Variants in PTPRC observed in about 807,000 individuals in gnomAD.
PTPRC encodes the protein receptor-type tyrosine-protein phosphatase C.
PTPRC carries 44 observed loss-of-function variants against 155.9 expected under a neutral mutation model. The observed-to-expected ratio is 0.28, with a 90% CI of 0.22 to 0.36. PTPRC has a LOEUF of 0.36. PTPRC is among the 10% of genes least tolerant of loss of function. The pLI is 1.00. For synonymous variants in PTPRC, 525 were observed against 533.1 expected (o/e 0.98, Z 0.21); for missense variants, 1,401 against 1,564.6 (o/e 0.90, Z 1.76).
At chr1:198,706,162 C>T (rs957706045) in intron 8 of PTPRC, among the ~76,000 whole-genome samples, 1 of 152,092 alleles carries the variant, frequency 6.6e-6, no homozygotes, top group African/African-American at 2.4e-5. Context: ...ATATTTTTAT[C>T]AGTCAGCAGA....
chr1:198,674,465 C>A (rs1664827274), intron 2 of PTPRC, among the ~76,000 whole-genome samples: 1 of 150,090 alleles, frequency 6.7e-6, no homozygotes, highest in African/African-American at 2.4e-5. Flanking sequence ...GTAATGGTAG[C>A]CTTCACTATC....
chr1:198,741,521 T>C (rs1041723777), intron 23 of PTPRC, among the ~76,000 whole-genome samples: 4 of 151,844 alleles, frequency 2.6e-5, no homozygotes, highest in Admixed American at 6.6e-5. Flanking sequence ...CCCACTTTTA[T>C]GGTGTATGTT....
intron 23 of PTPRC, among the ~76,000 whole-genome samples, chr1:198,741,353 A>G (rs537102930): frequency 7.2e-5 from 11 of 151,988 alleles, no homozygotes; most frequent in African/African-American, 2.6e-4. Flanking sequence ...GTGAAGGCCT[A>G]AGGAATACAA....
At position 198,752,441 on chromosome 1, in the gene PTPRC, C is replaced by G. The variant is rs1412296476; in HGVS notation, c.3330+70C>G. On this transcript the variant is annotated intron_variant, in intron 30 of 32. Transcript: ENST00000442510. ...CTGGTAGCAAAATGAATATAAATTA[C>G]TCTATGCAGGCAAGGCCATCATATA... 4.4e-6 allele frequency: 7 copies of G among 1,579,316 alleles called. No homozygotes were observed. The Admixed American group carries it at 1.2e-4, about 26-fold the overall frequency.
rs1653188181 is a variant in PTPRC, at chr1:198,709,713, A to G, written c.1060A>G (p.Ile354Val). The change falls in exon 11 of 33, where the codon ATT becomes GTT. Residue 354 changes from isoleucine (I) to valine (V), a missense_variant. Physicochemically the swap from Ile to Val is conservative, Grantham distance 29 (BLOSUM62 3). Around this residue, in one of 3 missense-constraint regions of PTPRC, gnomAD observed 867 missense variants for 970.4 expected, o/e 0.89. Coordinates refer to ENST00000442510, the MANE Select transcript of PTPRC (RefSeq NM_002838.5). ...CGNMIFDNKE[I>V]KLENLEPEHE... Reference sequence around the variant, plus strand: ...TAATATGATATTTGATAATAAAGAAATTAAATTAGAAAACCTTGAACCCGA... The same window carrying G: ...TAATATGATATTTGATAATAAAGAAGTTAAATTAGAAAACCTTGAACCCGA... The G allele has an allele frequency of 2.5e-6, 4 of 1,594,132 alleles. No homozygotes were observed. Among genetic ancestry groups the G allele is most frequent in the Middle Eastern group, 1.7e-4 (1 of 5,892 alleles).
chr1:198,690,027 T>A (rs1408189018), intron 2 of PTPRC, among the ~76,000 whole-genome samples: 1 of 152,134 alleles, frequency 6.6e-6, no homozygotes, highest in East Asian at 1.9e-4. Context: ...TAAATTAACT[T>A]GTTTCAAGTT....
At chr1:198,663,102 C>G (rs927514948) in intron 2 of PTPRC, among the ~76,000 whole-genome samples, 4 of 152,132 alleles carry the variant, frequency 2.6e-5, no homozygotes, top group African/African-American at 9.7e-5. Flanking sequence ...TCTATGATTA[C>G]CCACTGATGA....
In PTPRC at chr1:198,756,068, A is replaced by G. The variant is rs148487071; in HGVS notation, c.3808A>G (p.Lys1270Glu). Residue 1270 changes from lysine (K) to glutamate (E), a missense_variant, in exon 33 of 33, where the codon AAG (lysine) becomes GAG (glutamate). By Grantham distance (56) the Lys-to-Glu change is moderately conservative. Around this residue, in one of 3 missense-constraint regions of PTPRC, gnomAD observed 400 missense variants for 389.5 expected, o/e 1.03. Coordinates refer to ENST00000442510, the MANE Select transcript of PTPRC (RefSeq NM_002838.5). ...NCVNPLGAPE[K>E]LPEAKEQAEG... is the part of the protein sequence containing the mutation. ...TGTTAATCCACTTGGTGCCCCAGAAAAGCTCCCTGAAGCAAAGGAACAGGC... is the reference window on the plus strand; with the variant it reads ...TGTTAATCCACTTGGTGCCCCAGAAGAGCTCCCTGAAGCAAAGGAACAGGC... The G allele has an allele frequency of 2.5e-6, 4 of 1,613,352 alleles. No homozygotes were observed. The African/African-American group carries it at 4.0e-5, about 16-fold the overall frequency.
chr1:198,731,875 C>T (rs1654403427), intron 18 of PTPRC, 149 bp downstream of exon 18: 1 of 706,632 alleles, frequency 1.4e-6, no homozygotes, highest in Non-Finnish European at 2.5e-6. Flanking sequence ...TCTCTATGAA[C>T]CAGAAGAGAG....
intron 2 of PTPRC, among the ~76,000 whole-genome samples, chr1:198,651,988 C>G (rs759015641): frequency 1.3e-5 from 2 of 151,596 alleles, no homozygotes; most frequent in Non-Finnish European, 2.9e-5. Context: ...AATCCTTGGT[C>G]ACTAGTCTTA....
chr1:198,737,623 C>T (rs1654709890), intron 23 of PTPRC, among the ~76,000 whole-genome samples: 2 of 151,646 alleles, frequency 1.3e-5, no homozygotes, highest in African/African-American at 4.8e-5. Context: ...TCTTTTCACT[C>T]AGGATGGCTT....
chr1:198,735,401 A>T, intron 23 of PTPRC, 149 bp downstream of exon 23: 2 of 753,858 alleles, frequency 2.7e-6, no homozygotes, highest in Non-Finnish European at 4.1e-6. Context: ...CAATGACAAA[A>T]ATCAATAGGG....
rs552861890 is a variant in PTPRC at position 198,755,858 on chromosome 1, A to G, written c.3646-48A>G. 90 of 1,539,634 alleles carry G rather than the reference A, an allele frequency of 5.8e-5. 1 individual carries two copies. In the South Asian group the frequency reaches 9.3e-4, roughly 16 times the overall value. On this transcript the variant is annotated intron_variant, in intron 32 of 32. Transcript: ENST00000442510. ...CTAATCTTCATCTGGCATAAAAATAATGACATCAACTTTCTTCATGTAATT... is the reference window on the plus strand; with the variant it reads ...CTAATCTTCATCTGGCATAAAAATAGTGACATCAACTTTCTTCATGTAATT...
intron 3 of PTPRC, chr1:198,692,889 T>C: frequency 1.1e-6 from 1 of 894,040 alleles, no homozygotes; most frequent in Non-Finnish European, 1.3e-6. Context: ...TCAATAGTCC[T>C]TATAAATGTC....
chr1:198,638,763 C>G (rs1400343828), upstream of PTPRC: 2 of 156,340 alleles, frequency 1.3e-5, no homozygotes, highest in African/African-American at 4.8e-5. Flanking sequence ...TATACTTATG[C>G]TGAATCTGTT....
rs1655624791 is a variant in PTPRC, at chr1:198,755,878, G to A, written c.3646-28G>A. 1.9e-6 allele frequency: 3 copies of A among 1,585,502 alleles called. No homozygotes were observed. The African/African-American group carries it at 4.0e-5, about 21-fold the overall frequency. ...AAATAATGACATCAACTTTCTTCAT[G>A]TAATTTCCCACTTAATTCCTTTACT... On this transcript the variant is annotated intron_variant, in intron 32 of 32. Transcript: ENST00000442510.
chr1:198,645,678 G>C (rs1662901919), intron 2 of PTPRC, among the ~76,000 whole-genome samples: 1 of 151,904 alleles, frequency 6.6e-6, no homozygotes, highest in Non-Finnish European at 1.5e-5. Context: ...GATTCCAAAT[G>C]ATATCTCTTC....
chr1:198,728,996 TTCTCC>T, intron 16 of PTPRC, 136 bp from the exon 17 acceptor site: 1 of 893,864 alleles, frequency 1.1e-6, no homozygotes, highest in Non-Finnish European at 1.6e-6. Context: ...TCCTTTCCTC[TTCTCC>T]TCTCCTCTCT....
chr1:198,676,030 A>T (rs890237116), intron 2 of PTPRC, among the ~76,000 whole-genome samples: 10 of 152,234 alleles, frequency 6.6e-5, no homozygotes, highest in African/African-American at 2.4e-4. Flanking sequence ...AATGTTTGAA[A>T]TGAAAACCAG....
Sources: allele counts gnomAD v4.1 joint callset (sites outside exome capture counted in the v4.1 genomes callset), GRCh38; gene constraint gnomAD v4.1.1; regional missense constraint gnomAD v4.1.1; transcripts MANE v1.5; gene names NCBI Gene and HGNC (gene_info 2026-07-23, HGNC 2026-07-21).